The following SLC35F4 variants were observed in gnomAD, a reference collection of about 807,000 sequenced individuals.
SLC35F4 encodes the protein solute carrier family 35 member F4.
A neutral mutation model predicts 44.2 loss-of-function variants in SLC35F4; 24 were observed. That is an observed-to-expected ratio of 0.54 (90% CI 0.39 to 0.76). The LOEUF is 0.76. SLC35F4 is among the 30% of genes least tolerant of loss of function. The pLI is 0.00. For synonymous variants in SLC35F4, 238 were observed against 223.6 expected (o/e 1.06, Z -0.57); for missense variants, 562 against 586.1 (o/e 0.96, Z 0.42).
rs767682148 is a variant in SLC35F4 at position 57,569,775 on chromosome 14, C to T, written c.1126+13G>A. On this transcript the variant is annotated intron_variant, in intron 6 of 7. Coordinates refer to ENST00000556826, the MANE Select transcript of SLC35F4 (RefSeq NM_001306087.2). ...GATATAGGGAATGGAAGGCAAAACC[C>T]GAGGCCACTTACCCAGCCACAGCCC... 5.7e-6 allele frequency: 9 copies of T among 1,574,080 alleles called. No homozygotes were observed. The highest frequency in any genetic ancestry group is 3.8e-5 in the Admixed American group (2 of 51,980).
intron 1 of SLC35F4, among the ~76,000 whole-genome samples, chr14:57,617,264 G>A (rs1026829590): frequency 6.7e-6 from 1 of 150,312 alleles, no homozygotes; most frequent in Non-Finnish European, 1.5e-5. Flanking sequence ...CCGAGTAGCT[G>A]GGACTACAGG....
chr14:57,838,617 C>T (rs1478151763), intron 1 of SLC35F4, among the ~76,000 whole-genome samples: 3 of 152,074 alleles, frequency 2.0e-5, no homozygotes, highest in Admixed American at 2.0e-4. Context: ...GCAAGGAAAG[C>T]TCAACAACAA....
At chr14:57,864,361 A>T (rs1887942680) in intron 1 of SLC35F4, among the ~76,000 whole-genome samples, 1 of 152,246 alleles carries the variant, frequency 6.6e-6, no homozygotes, top group Admixed American at 6.5e-5. Context: ...TTCTAACACT[A>T]TATAATTACT....
chr14:57,577,906 A>ACAT (rs1322241069), intron 4 of SLC35F4, among the ~76,000 whole-genome samples: 1 of 152,216 alleles, frequency 6.6e-6, no homozygotes, highest in Non-Finnish European at 1.5e-5. Context: ...TTTTTATAAC[A>ACAT]CATCATAGAT....
At chr14:57,742,491 T>C (rs1380518081) in intron 1 of SLC35F4, among the ~76,000 whole-genome samples, 2 of 152,130 alleles carry the variant, frequency 1.3e-5, no homozygotes, top group African/African-American at 4.8e-5. Context: ...CATTACATAA[T>C]GGTAAAGGGA....
intron 1 of SLC35F4, among the ~76,000 whole-genome samples, chr14:57,792,868 C>T (rs1268870367): frequency 6.7e-6 from 1 of 148,940 alleles, no homozygotes; most frequent in African/African-American, 2.5e-5. Flanking sequence ...CAGAAATCAC[C>T]ACTAAAGAAT....
At chr14:57,707,032 A>G (rs932593902) in intron 1 of SLC35F4, among the ~76,000 whole-genome samples, 1 of 152,230 alleles carries the variant, frequency 6.6e-6, no homozygotes, top group African/African-American at 2.4e-5. Flanking sequence ...GCAAAAGATT[A>G]TGTCAATTTG....
intron 1 of SLC35F4, among the ~76,000 whole-genome samples, chr14:57,888,018 C>T (rs537257770): frequency 4.6e-5 from 7 of 152,228 alleles, no homozygotes; most frequent in South Asian, 2.1e-4. Context: ...ATGCAGTAGC[C>T]GCTGGCATCT....
At chr14:57,746,167 G>C (rs1267363821) in intron 1 of SLC35F4, among the ~76,000 whole-genome samples, 1 of 151,894 alleles carries the variant, frequency 6.6e-6, no homozygotes, top group Non-Finnish European at 1.5e-5. Context: ...ACACCAACAT[G>C]GCACATGTAT....
At chr14:57,877,133 C>G (rs1201410497) in intron 1 of SLC35F4, among the ~76,000 whole-genome samples, 2 of 152,070 alleles carry the variant, frequency 1.3e-5, no homozygotes, top group African/African-American at 2.4e-5. Flanking sequence ...ACCTGATAGG[C>G]AGTTTTTCAA....
chr14:57,696,192 G>A (rs1381567171), intron 1 of SLC35F4, among the ~76,000 whole-genome samples: 3 of 152,128 alleles, frequency 2.0e-5, no homozygotes, highest in South Asian at 4.1e-4. Context: ...TCTGACAAAG[G>A]GCTAGTATCC....
chr14:57,937,356 C>T (rs1335715536), intron 1 of SLC35F4, among the ~76,000 whole-genome samples: 2 of 152,128 alleles, frequency 1.3e-5, no homozygotes, highest in Non-Finnish European at 2.9e-5. Flanking sequence ...GCGCGAGCCA[C>T]CGCACCTGGC....
intron 1 of SLC35F4, among the ~76,000 whole-genome samples, chr14:57,926,464 A>C (rs1594629850): frequency 6.6e-6 from 1 of 152,268 alleles, no homozygotes; most frequent in African/African-American, 2.4e-5. Flanking sequence ...AACTGGTGCT[A>C]GTTGAAACTT....
chr14:57,801,984 T>C (rs533538258), intron 1 of SLC35F4, among the ~76,000 whole-genome samples: 2 of 152,300 alleles, frequency 1.3e-5, no homozygotes, highest in South Asian at 2.1e-4. Context: ...GTGGACCCAA[T>C]AGATATCTAC....
intron 1 of SLC35F4, among the ~76,000 whole-genome samples, chr14:57,818,260 G>A (rs1422904527): frequency 6.6e-6 from 1 of 152,136 alleles, no homozygotes; most frequent in Non-Finnish European, 1.5e-5. Flanking sequence ...ATTGAGCCCT[G>A]TCAGCATTCC....
chr14:57,644,080 G>C (rs563295472), intron 1 of SLC35F4, among the ~76,000 whole-genome samples: 1 of 152,044 alleles, frequency 6.6e-6, no homozygotes, highest in Non-Finnish European at 1.5e-5. Context: ...ATAAACATAC[G>C]TGTGCATGTG....
intron 1 of SLC35F4, among the ~76,000 whole-genome samples, chr14:57,740,222 T>C (rs1301890974): frequency 1.3e-5 from 2 of 152,106 alleles, no homozygotes; most frequent in African/African-American, 2.4e-5. Context: ...AAGAATGATA[T>C]AAAAAAACCA....
intron 1 of SLC35F4, among the ~76,000 whole-genome samples, chr14:57,646,440 G>C (rs1339438180): frequency 6.6e-6 from 1 of 152,178 alleles, no homozygotes; most frequent in Non-Finnish European, 1.5e-5. Context: ...TCTGACGGTA[G>C]TTTGTATTTC....
chr14:57,868,393 A>T (rs1888227133), upstream of SLC35F4, among the ~76,000 whole-genome samples: 1 of 152,238 alleles, frequency 6.6e-6, no homozygotes. Flanking sequence ...CACTCTTGGC[A>T]TATATGATAA....
Sources: allele counts gnomAD v4.1 joint callset (sites outside exome capture counted in the v4.1 genomes callset), GRCh38; gene constraint gnomAD v4.1.1; transcripts MANE v1.5; gene names NCBI Gene and HGNC (gene_info 2026-07-23, HGNC 2026-07-21).